The following EXOSC6 variants were observed in gnomAD, a reference collection of about 807,000 sequenced individuals.
EXOSC6 encodes exosome complex component MTR3.
EXOSC6 carries 21 observed loss-of-function variants against 16.7 expected under a neutral mutation model. The observed-to-expected ratio is 1.26, with a 90% CI of 0.89 to 1.82. The LOEUF is 1.82. EXOSC6 is among the 40% of genes most tolerant of loss of function. The pLI, the probability that EXOSC6 is intolerant of heterozygous loss-of-function variation, is 0.00. For synonymous variants in EXOSC6, 297 were observed against 217.1 expected (o/e 1.37, Z -3.24); for missense variants, 538 against 415.7 (o/e 1.29, Z -2.56).
chr16:70,246,904 T>C lies in EXOSC6; in HGVS notation c.*4178A>G. ...GATTATACTCAAAGGAGCAGAGGCA[T>C]TGTTTTCCATCTGATTCCTCAGTTC... On this transcript the variant is annotated 3_prime_UTR_variant, in exon 1 of 1. Transcript: ENST00000435634. 1.7e-6 allele frequency: 1 copy of C among 573,884 alleles called. No homozygotes were observed. Among genetic ancestry groups the C allele is most frequent in the Non-Finnish European group, 3.3e-6 (1 of 305,208 alleles). The allele number at this position is 573,884 out of a possible 1,614,324, so 35.5% of individuals were successfully genotyped here.
rs548411175 is a variant in EXOSC6, at chr16:70,250,890, C to T, written c.*192G>A. The T allele has an allele frequency of 2.3e-5, 14 of 617,710 alleles. No homozygotes were observed. Among genetic ancestry groups the T allele is most frequent in the African/African-American group, 1.9e-4 (10 of 51,832 alleles). 38.3% of individuals were successfully genotyped at this position (617,710 alleles called of 1,614,324 possible). On this transcript the variant is annotated 3_prime_UTR_variant, in exon 1 of 1. Transcript: ENST00000435634. The stretch of plus-strand genomic sequence containing the variant: ...CAGCTCCAGGGGCTGTTGAGTTTTG[C>T]CTTTATCATTCCAAGTAGTCCCTGC...
chr16:70,251,701 G>A lies in EXOSC6; in HGVS notation c.200C>T (p.Ser67Leu). 2 of 1,303,136 alleles carry A rather than the reference G, an allele frequency of 1.5e-6. No individual in the cohort carries two copies. The highest frequency in any genetic ancestry group is 2.3e-5 in the South Asian group (1 of 43,910). The allele number at this position is 1,303,136 out of a possible 1,614,324, so 80.7% of individuals were successfully genotyped here. Residue 67 changes from serine to leucine, a missense_variant, in exon 1 of 1, where the codon TCG (serine) becomes TTG (leucine). By Grantham distance (145) the Ser-to-Leu change is moderately radical. Transcript: ENST00000435634. The stretch of plus-strand genomic sequence containing the variant: ...GCCGCCCTCGGCCTGTCGCGGGCCC[G>A]ACACGGCACACAGCACCTTGGTGCC... ...AGGTKVLCAV[S>L]GPRQAEGGER...
chr16:70,250,848 C>T lies in EXOSC6; in HGVS notation c.*234G>A, dbSNP rs1026008180. 16 of 448,700 alleles carry T rather than the reference C, an allele frequency of 3.6e-5. No homozygotes were observed. The highest frequency in any genetic ancestry group is 3.1e-4 in the Admixed American group (7 of 22,788). The allele number at this position is 448,700 out of a possible 1,614,324, so 27.8% of individuals were successfully genotyped here. The stretch of plus-strand genomic sequence containing the variant: ...AAAAGGTCCAGGTAATTTCAGGGTC[C>T]AGCTCCACCACAAGCGCAGCTCCAG... On this transcript the variant is annotated 3_prime_UTR_variant, in exon 1 of 1. Coordinates refer to ENST00000435634, the MANE Select transcript of EXOSC6 (RefSeq NM_058219.3).
chr16:70,251,047 C>G lies in EXOSC6; in HGVS notation c.*35G>C. 6.9e-7 allele frequency: 1 copy of G among 1,440,060 alleles called. No homozygotes were observed. Among genetic ancestry groups the G allele is most frequent in the Non-Finnish European group, 9.0e-7 (1 of 1,105,974 alleles). 89.2% of individuals were successfully genotyped at this position (1,440,060 alleles called of 1,614,324 possible). On this transcript the variant is annotated 3_prime_UTR_variant, in exon 1 of 1. Coordinates refer to ENST00000435634, the MANE Select transcript of EXOSC6 (RefSeq NM_058219.3). ...TTTCGTGGACGGCGGCAGCACGGTC[C>G]TCGGCTTGCGTCCGTAGTTGCTCAG...
chr16:70,251,280 G>A lies in EXOSC6; in HGVS notation c.621C>T (p.Ala207=), dbSNP rs1474883757. The A allele has an allele frequency of 6.2e-6, 9 of 1,441,244 alleles. No homozygotes were observed. The highest frequency in any genetic ancestry group is 8.2e-6 in the Non-Finnish European group (9 of 1,102,646). 89.3% of individuals were successfully genotyped at this position (1,441,244 alleles called of 1,614,324 possible). A position where few individuals can be genotyped will look rare whatever the true frequency, so the allele number is the denominator to read the frequency against. The change falls in exon 1 of 1, where the codon GCC becomes GCT. Residue 207 remains alanine (A), a synonymous_variant. Coordinates refer to ENST00000435634, the MANE Select transcript of EXOSC6 (RefSeq NM_058219.3). ...LDPTRLEEER[A]AAGLTVALMP... ...TGAGCGCCACGGTGAGGCCGGCGGC[G>A]GCGCGCTCTTCCTCGAGCCGCGTGG...
rs1281418425 is a variant in EXOSC6, at chr16:70,249,877, TGAGGCG to T, written c.*1199_*1204del. 2.0e-5 allele frequency: 3 copies of T among 151,920 alleles called. No individual in the cohort carries two copies. The highest frequency in any genetic ancestry group is 4.4e-5 in the Non-Finnish European group (3 of 68,026). The allele number at this position is 151,920 out of a possible 1,614,324, so 9.4% of individuals were successfully genotyped here. A position where few individuals can be genotyped will look rare whatever the true frequency, so the allele number is the denominator to read the frequency against. On this transcript the variant is annotated 3_prime_UTR_variant, in exon 1 of 1. Transcript: ENST00000435634. ...GAGGCAGGAGAATCACTTGAACCTC[TGAGGCG>T]GAGGTTGCAGTGAGCTGAGATCGCG...
rs35268611 is a variant in EXOSC6, at chr16:70,247,245, T to A, written c.*3837A>T. ...CCAGACTCCATCTCAAAAAAAAAAA[T>A]AATTAATAAATAAATAAAATAAATA... is the stretch of plus-strand genomic sequence containing the variant. On this transcript the variant is annotated 3_prime_UTR_variant, in exon 1 of 1. Coordinates refer to ENST00000435634, the MANE Select transcript of EXOSC6 (RefSeq NM_058219.3). The A allele has an allele frequency of 0.29, 44,415 of 152,220 alleles. 7,939 individuals are homozygous for A. The highest frequency in any genetic ancestry group is 0.39 in the Non-Finnish European group (26,597 of 68,816). The allele number at this position is 152,220 out of a possible 1,614,324, so 9.4% of individuals were successfully genotyped here. A position where few individuals can be genotyped will look rare whatever the true frequency, so the allele number is the denominator to read the frequency against.
Position 70,251,914 on chromosome 16 carries a change from G to C in EXOSC6, c.-14C>G, listed in dbSNP as rs180927891. On this transcript the variant is annotated 5_prime_UTR_variant, in exon 1 of 1. Transcript: ENST00000435634. Reference sequence around the variant, plus strand: ...ATCCCCAGGCATGGCGGTTCTTGGCGTGCGAACCCCTTCCGCCCAACGCCC... The same window carrying C: ...ATCCCCAGGCATGGCGGTTCTTGGCCTGCGAACCCCTTCCGCCCAACGCCC... 37 of 1,500,092 alleles carry C rather than the reference G, an allele frequency of 2.5e-5. No homozygotes were observed. The highest frequency in any genetic ancestry group is 9.1e-5 in the Admixed American group (4 of 44,198). 92.9% of individuals were successfully genotyped at this position (1,500,092 alleles called of 1,614,324 possible). A position where few individuals can be genotyped will look rare whatever the true frequency, so the allele number is the denominator to read the frequency against.
chr16:70,247,579 T>C lies in EXOSC6; in HGVS notation c.*3503A>G, dbSNP rs772553765. On this transcript the variant is annotated 3_prime_UTR_variant, in exon 1 of 1. Coordinates refer to ENST00000435634, the MANE Select transcript of EXOSC6 (RefSeq NM_058219.3). ...AGATCAGTATGGCACCACACATGAA[T>C]AACATGCAGGCTCAGGTTACCATTA... The C allele has an allele frequency of 1.3e-5, 2 of 152,190 alleles. No individual in the cohort carries two copies. The highest frequency in any genetic ancestry group is 2.4e-5 in the African/African-American group (1 of 41,448). 9.4% of individuals were successfully genotyped at this position (152,190 alleles called of 1,614,324 possible).
rs1006955645 is a variant in EXOSC6 at position 70,249,553 on chromosome 16, A to G, written c.*1529T>C. ...CCAAAAGGCTCAGAAAGACGTCGTG[A>G]TATTTAGTTCTTGTCTCCCTCTACA... On this transcript the variant is annotated 3_prime_UTR_variant, in exon 1 of 1. Transcript: ENST00000435634. 2.6e-5 allele frequency: 4 copies of G among 152,224 alleles called. No homozygotes were observed. Among genetic ancestry groups the G allele is most frequent in the African/African-American group, 9.6e-5 (4 of 41,452 alleles). The allele number at this position is 152,224 out of a possible 1,614,324, so 9.4% of individuals were successfully genotyped here.
rs767212857 is a variant in EXOSC6 at position 70,251,408 on chromosome 16, C to T, written c.493G>A (p.Ala165Thr). The change falls in exon 1 of 1, where the codon GCC (alanine) becomes ACC (threonine). Residue 165 changes from alanine (A) to threonine (T), a missense_variant. Ala to Thr is a moderately conservative substitution (Grantham distance 58, BLOSUM62 0). Transcript: ENST00000435634. The stretch of plus-strand genomic sequence containing the variant: ...CCCGCGTCGGCCAGGGCGAGCGCGG[C>T]GGCGGTGAGCGCGGCGGCCAGGGCC... ...GSALAAALTA[A>T]ALALADAGVE... 3.0e-5 allele frequency: 40 copies of T among 1,338,602 alleles called. No homozygotes were observed. In the Admixed American group the frequency reaches 1.5e-3, roughly 50 times the overall value. 82.9% of individuals were successfully genotyped at this position (1,338,602 alleles called of 1,614,324 possible). A position where few individuals can be genotyped will look rare whatever the true frequency, so the allele number is the denominator to read the frequency against.
At position 70,248,787 on chromosome 16, in the gene EXOSC6, TTTTTTTTTG is replaced by T. The variant is rs1184315017; in HGVS notation, c.*2286_*2294del. The T allele has an allele frequency of 4.6e-4, 64 of 139,102 alleles. No homozygotes were observed. Among genetic ancestry groups the T allele is most frequent in the African/African-American group, 1.9e-3 (62 of 33,122 alleles). 8.6% of individuals were successfully genotyped at this position (139,102 alleles called of 1,614,324 possible). On this transcript the variant is annotated 3_prime_UTR_variant, in exon 1 of 1. Coordinates refer to ENST00000435634, the MANE Select transcript of EXOSC6 (RefSeq NM_058219.3). ...TTTTTTTTCCTTTTTTTTTTTTTTTTTTTTTTTTGATAGAAACAGGGTTTCACCTTGTTG... is the reference window on the plus strand; with the variant it reads ...TTTTTTTTCCTTTTTTTTTTTTTTTTATAGAAACAGGGTTTCACCTTGTTG...
rs775215603 is a variant in EXOSC6 at position 70,251,872 on chromosome 16, C to T, written c.29G>A (p.Gly10Asp). Residue 10 changes from glycine to aspartate, a missense_variant, in exon 1 of 1, where the codon GGC (glycine) becomes GAC (aspartate). Transcript: ENST00000435634. MPGDHRRIRGPEESQPPQLY... is the reference protein window; with the variant it reads MPGDHRRIRDPEESQPPQLY... ...CTGCGGCGGCTGCGATTCTTCAGGG[C>T]CGCGGATGCGGCGGTGATCCCCAGG... 2.6e-6 allele frequency: 4 copies of T among 1,550,336 alleles called. No individual in the cohort carries two copies. Among genetic ancestry groups the T allele is most frequent in the East Asian group, 2.6e-5 (1 of 38,782 alleles).
chr16:70,251,470 A>G lies in EXOSC6; in HGVS notation c.431T>C (p.Leu144Pro). ...CTCCAGCAGCAGCGCCGACACCTCG[A>G]GCTGCGCGCGCGGGTAGCGGCCCAG... is the stretch of plus-strand genomic sequence containing the variant. ...VRLGRYPRAQ[L>P]EVSALLLEDG... The change falls in exon 1 of 1, where the codon CTC becomes CCC. Residue 144 changes from leucine to proline, a missense_variant. Coordinates refer to ENST00000435634, the MANE Select transcript of EXOSC6 (RefSeq NM_058219.3). 1.5e-6 allele frequency: 2 copies of G among 1,328,478 alleles called. No homozygotes were observed. The highest frequency in any genetic ancestry group is 1.9e-5 in the South Asian group (1 of 52,526). The allele number at this position is 1,328,478 out of a possible 1,614,324, so 82.3% of individuals were successfully genotyped here.
Position 70,251,205 on chromosome 16 carries a change from G to A in EXOSC6, c.696C>T (p.Gly232=), listed in dbSNP as rs765596883. 2 of 1,509,738 alleles carry A rather than the reference G, an allele frequency of 1.3e-6. No homozygotes were observed. Among genetic ancestry groups the A allele is most frequent in the East Asian group, 2.7e-5 (1 of 37,156 alleles). The allele number at this position is 1,509,738 out of a possible 1,614,324, so 93.5% of individuals were successfully genotyped here. ...CGGCCTCCGCCCAGCTCTCTGTCAG[G>A]CCGCCCTCGCCGCTGCCCAGCAGCC... is the stretch of plus-strand genomic sequence containing the variant. ...VAGLLGSGEG[G]LTESWAEAVR... The change falls in exon 1 of 1, where the codon GGC becomes GGT. Residue 232 remains glycine (G), a synonymous_variant. Transcript: ENST00000435634.
chr16:70,251,304 G>A lies in EXOSC6; in HGVS notation c.597C>T (p.Pro199=), dbSNP rs770176935. ...CGGCGCGCTCTTCCTCGAGCCGCGT[G>A]GGGTCCAGGAGCCAGGTGGGCGCGG... ...PGPAPTWLLD[P]TRLEEERAAA... The change falls in exon 1 of 1, where the codon CCC becomes CCT. Residue 199 remains proline, a synonymous_variant. Transcript: ENST00000435634. 7.1e-6 allele frequency: 10 copies of A among 1,418,094 alleles called. No individual in the cohort carries two copies. The East Asian group carries it at 1.5e-4, about 21-fold the overall frequency. The allele number at this position is 1,418,094 out of a possible 1,614,324, so 87.8% of individuals were successfully genotyped here.
chr16:70,251,210 C>A lies in EXOSC6; in HGVS notation c.691G>T (p.Gly231Cys). 1 of 1,510,172 alleles carries A rather than the reference C, an allele frequency of 6.6e-7. No individual in the cohort carries two copies. Among genetic ancestry groups the A allele is most frequent in the Non-Finnish European group, 8.8e-7 (1 of 1,136,906 alleles). The allele number at this position is 1,510,172 out of a possible 1,614,324, so 93.5% of individuals were successfully genotyped here. The change falls in exon 1 of 1, where the codon GGC becomes TGC. Residue 231 changes from glycine (G) to cysteine (C), a missense_variant. By Grantham distance (159) the Gly-to-Cys change is radical (BLOSUM62 -3). Coordinates refer to ENST00000435634, the MANE Select transcript of EXOSC6 (RefSeq NM_058219.3). ...TCCGCCCAGCTCTCTGTCAGGCCGC[C>A]CTCGCCGCTGCCCAGCAGCCCGGCC... ...QVAGLLGSGE[G>C]GLTESWAEAV...
rs951378589 is a variant in EXOSC6, at chr16:70,247,102, A to G, written c.*3980T>C. ...TTCTGTAGTTTTAGTTAAAAAAAAA[A>G]TTGACTTGTAAATCCCAACTACTCG... On this transcript the variant is annotated 3_prime_UTR_variant, in exon 1 of 1. Coordinates refer to ENST00000435634, the MANE Select transcript of EXOSC6 (RefSeq NM_058219.3). The G allele has an allele frequency of 1.4e-4, 47 of 329,714 alleles. No homozygotes were observed. The highest frequency in any genetic ancestry group is 1.0e-3 in the African/African-American group (44 of 43,862). 20.4% of individuals were successfully genotyped at this position (329,714 alleles called of 1,614,324 possible). A position where few individuals can be genotyped will look rare whatever the true frequency, so the allele number is the denominator to read the frequency against.
Position 70,251,578 on chromosome 16 carries a change from C to A in EXOSC6, c.323G>T (p.Arg108Leu). 1 of 1,097,786 alleles carries A rather than the reference C, an allele frequency of 9.1e-7. No homozygotes were observed. Among genetic ancestry groups the A allele is most frequent in the Admixed American group, 5.2e-5 (1 of 19,354 alleles). 68.0% of individuals were successfully genotyped at this position (1,097,786 alleles called of 1,614,324 possible). A position where few individuals can be genotyped will look rare whatever the true frequency, so the allele number is the denominator to read the frequency against. ...GCCGCCCGGGGGAGCGCGGCGCCGG[C>A]GGCCCGCGAAGGGTGCGCGGCGGAA... is the stretch of plus-strand genomic sequence containing the variant. ...CDFRRAPFAG[R>L]RRRAPPGGCE... Residue 108 changes from arginine (R) to leucine (L), a missense_variant, in exon 1 of 1, where the codon CGC (arginine) becomes CTC (leucine). By Grantham distance (102) the Arg-to-Leu change is moderately radical. Transcript: ENST00000435634.
Sources: allele counts gnomAD v4.1 joint callset, GRCh38; gene constraint gnomAD v4.1.1; transcripts MANE v1.5; gene names NCBI Gene and HGNC (gene_info 2026-07-23, HGNC 2026-07-21).